The following UBR3 variants were observed in gnomAD, a reference collection of about 807,000 sequenced individuals.
The protein encoded by UBR3 is ubiquitin protein ligase E3 component n-recognin 3, also known as E3 ubiquitin-protein ligase UBR3.
A neutral mutation model predicts 243.2 loss-of-function variants in UBR3; 85 were observed. The observed-to-expected ratio is 0.35, with a 90% CI of 0.29 to 0.42. The LOEUF (loss-of-function observed/expected upper bound fraction) is 0.42, where lower values mean the gene tolerates loss of function less well. Among genes scored for constraint, UBR3 ranks in the 10% least tolerant of loss-of-function variants. The pLI is 1.00. For synonymous variants in UBR3, 748 were observed against 799.8 expected (o/e 0.94, Z 1.09); for missense variants, 1,686 against 2,300.8 (o/e 0.73, Z 5.47).
Position 169,994,580 on chromosome 2 carries a change from A to C in UBR3, c.3918+124A>C, listed in dbSNP as rs537903397. ...TAAATTTGAAAGTTTATTAGAAAAA[A>C]ATTAATATGTGGATAGAAAGAAATG... On this transcript the variant is annotated intron_variant, in intron 26 of 38. Transcript: ENST00000272793. 3.8e-6 allele frequency: 4 copies of C among 1,061,266 alleles called. No homozygotes were observed. In the East Asian group the frequency reaches 1.0e-4, roughly 27 times the overall value. The allele number at this position is 1,061,266 out of a possible 1,614,324, so 65.7% of individuals were successfully genotyped here.
In UBR3 at chr2:169,851,394, A is replaced by T. The variant is rs116480804; in HGVS notation, c.546-20842A>T. ...TACGCCTGCCTCAACCTCCCAAAGC[A>T]TTGGGATTACAGGCGTGAGCCATCG... On this transcript the variant is annotated intron_variant, in intron 1 of 38. Coordinates refer to ENST00000272793, the MANE Select transcript of UBR3 (RefSeq NM_172070.4). Among the ~76,000 whole-genome samples, 288 of 152,310 alleles carry T rather than the reference A, an allele frequency of 1.9e-3. 1 individual carries two copies. Among genetic ancestry groups the T allele is most frequent in the African/African-American group, 5.9e-3 (247 of 41,562 alleles).
rs368129996 is a variant in UBR3 at position 169,958,236 on chromosome 2, A to G, written c.3546-202A>G. ...CTTGGCTTTTATTTTTATCTATTAA[A>G]CCAGTGAGTTTGTAACCTTTTAAAA... On this transcript the variant is annotated intron_variant, in intron 23 of 38. Transcript: ENST00000272793. Among the ~76,000 whole-genome samples the G allele has an allele frequency of 1.4e-4, 22 of 152,202 alleles. No homozygotes were observed. The East Asian group carries it at 2.3e-3, about 16-fold the overall frequency.
chr2:170,023,443 T>G (rs2090444973), intron 30 of UBR3, among the ~76,000 whole-genome samples: 1 of 151,706 alleles, frequency 6.6e-6, no homozygotes, highest in African/African-American at 2.4e-5. Context: ...GGAGTCTCAC[T>G]CTGTTGCCCA....
chr2:169,930,010 A>G (rs2086058953), intron 18 of UBR3, among the ~76,000 whole-genome samples: 1 of 152,250 alleles, frequency 6.6e-6, no homozygotes, highest in Non-Finnish European at 1.5e-5. Context: ...CCATTAAAAG[A>G]AAAGCACAGT....
intron 35 of UBR3, among the ~76,000 whole-genome samples, chr2:170,065,035 G>C (rs2091531858): frequency 6.6e-6 from 1 of 151,376 alleles, no homozygotes; most frequent in Non-Finnish European, 1.5e-5. Context: ...TAGAGACAGG[G>C]CTTCACCATG....
chr2:169,886,462 T>C (rs2084106309), intron 5 of UBR3, among the ~76,000 whole-genome samples: 1 of 152,212 alleles, frequency 6.6e-6, no homozygotes, highest in Non-Finnish European at 1.5e-5. Context: ...TTAAATATTG[T>C]AACTTTCGCA....
At chr2:169,955,356 A>G (rs2087230967) in intron 23 of UBR3, among the ~76,000 whole-genome samples, 2 of 152,102 alleles carry the variant, frequency 1.3e-5, no homozygotes, top group African/African-American at 4.8e-5. Flanking sequence ...TTTATGGGTT[A>G]TAATCTCATA....
chr2:170,015,176 T>C, intron 29 of UBR3, 105 bp from the exon 30 acceptor site: 3 of 924,032 alleles, frequency 3.2e-6, no homozygotes, highest in South Asian at 2.0e-5. Flanking sequence ...TTGCAAAAAA[T>C]AAAGTTGAAG....
chr2:169,842,153 C>G (rs1182215383), intron 1 of UBR3, among the ~76,000 whole-genome samples: 1 of 152,018 alleles, frequency 6.6e-6, no homozygotes, highest in African/African-American at 2.4e-5. Context: ...TTAAGTCTAG[C>G]TCAAGGTTTG....
intron 19 of UBR3, among the ~76,000 whole-genome samples, chr2:169,935,301 G>A (rs556038290): frequency 6.6e-6 from 1 of 152,268 alleles, no homozygotes; most frequent in South Asian, 2.1e-4. Context: ...GAGTAGCTAG[G>A]ACTACAGGTG....
intron 1 of UBR3, among the ~76,000 whole-genome samples, chr2:169,866,023 T>C (rs2083245700): frequency 6.6e-6 from 1 of 151,764 alleles, no homozygotes. Context: ...TGGTGGTGCG[T>C]GCCTGTAATC....
At chr2:170,001,952 A>AAAAAAAAAAAAAAT in intron 27 of UBR3, among the ~76,000 whole-genome samples, 1 of 148,006 alleles carries the variant, frequency 6.8e-6, no homozygotes, top group Non-Finnish European at 1.5e-5. Context: ...AGAAAGAAAA[A>AAAAAAAAAAAAAAT]TTTTTTTCAC....
intron 27 of UBR3, among the ~76,000 whole-genome samples, chr2:170,006,236 A>G (rs1355516380): frequency 6.6e-6 from 1 of 152,114 alleles, no homozygotes; most frequent in Admixed American, 6.6e-5. Context: ...TATTTGCCTG[A>G]TTTTGCTTTT....
intron 13 of UBR3, among the ~76,000 whole-genome samples, chr2:169,924,544 G>A (rs1226617800): frequency 6.6e-6 from 1 of 152,142 alleles, no homozygotes; most frequent in African/African-American, 2.4e-5. Flanking sequence ...TCTGTATAGT[G>A]AGAGGAGAAA....
rs753460867 is a variant in UBR3 at position 170,007,174 on chromosome 2, G to A, written c.4214G>A (p.Arg1405Gln). ...AAGGAAGTGGAGGAGCTGCAGGGAC[G>A]ACCGGGAGCTTTCCCAGTAAGCATC... ...LIKEVEELQG[R>Q]PGAFPSETNL... The change falls in exon 28 of 39, where the codon CGA becomes CAA. Residue 1405 changes from arginine (R) to glutamine (Q), a missense_variant. By Grantham distance (43) the Arg-to-Gln change is conservative. Transcript: ENST00000272793. The A allele has an allele frequency of 6.2e-6, 10 of 1,602,698 alleles. No individual in the cohort carries two copies. The highest frequency in any genetic ancestry group is 1.7e-5 in the Admixed American group (1 of 58,294).
At chr2:169,900,020 G>C (rs1301360609) in intron 8 of UBR3, among the ~76,000 whole-genome samples, 1 of 152,164 alleles carries the variant, frequency 6.6e-6, no homozygotes. Context: ...CCAGTAAAGG[G>C]ATTGCTGGGT....
chr2:169,834,981 C>CAGAAAGT (rs2082040401), intron 1 of UBR3, among the ~76,000 whole-genome samples: 1 of 152,002 alleles, frequency 6.6e-6, no homozygotes, highest in African/African-American at 2.4e-5. Context: ...TTCATACAGA[C>CAGAAAGT]AGAAAGTAGA....
intron 6 of UBR3, among the ~76,000 whole-genome samples, chr2:169,894,069 T>C (rs1003907368): frequency 6.6e-6 from 1 of 152,096 alleles, no homozygotes; most frequent in Non-Finnish European, 1.5e-5. Flanking sequence ...GTTTTATAAG[T>C]AGAAAATTCT....
intron 30 of UBR3, among the ~76,000 whole-genome samples, chr2:170,027,196 G>A (rs1367312555): frequency 6.6e-6 from 1 of 151,362 alleles, no homozygotes; most frequent in Admixed American, 6.6e-5. Flanking sequence ...TTTCATATTT[G>A]TACAAACCAT....
Sources: allele counts gnomAD v4.1 joint callset (sites outside exome capture counted in the v4.1 genomes callset), GRCh38; gene constraint gnomAD v4.1.1; transcripts MANE v1.5; gene names NCBI Gene and HGNC (gene_info 2026-07-23, HGNC 2026-07-21).